The following PSD3 variants were observed in gnomAD, a reference collection of about 807,000 sequenced individuals.
The protein encoded by PSD3 is PH and SEC7 domain-containing protein 3.
A neutral mutation model predicts 105.5 loss-of-function variants in PSD3; 49 were observed. The ratio of observed to expected loss-of-function variants is 0.46; its 90% CI spans 0.37 to 0.59. The LOEUF (loss-of-function observed/expected upper bound fraction) is 0.59, where lower values mean the gene tolerates loss of function less well. Ranked by LOEUF, PSD3 falls within the 20% of genes least tolerant of loss-of-function variation. PSD3 has a pLI of 0.00. For synonymous variants in PSD3, 557 were observed against 457.8 expected (o/e 1.22, Z -2.77); for missense variants, 1,561 against 1,263.8 (o/e 1.24, Z -3.57).
At chr8:18,718,934 C>G (rs1445938711) in intron 9 of PSD3, among the ~76,000 whole-genome samples, 1 of 152,122 alleles carries the variant, frequency 6.6e-6, no homozygotes, top group Admixed American at 6.6e-5. Flanking sequence ...ACATCACAGA[C>G]CTTCAGTCTC....
At chr8:19,000,831 T>C (rs923139626) in intron 1 of PSD3, 1 of 151,948 alleles carries the variant, frequency 6.6e-6, no homozygotes, top group African/African-American at 2.4e-5. Flanking sequence ...GTTCCTGTAC[T>C]TAGCTATGTA....
chr8:18,761,797 C>G (rs73199971), intron 9 of PSD3, among the ~76,000 whole-genome samples: 1 of 152,196 alleles, frequency 6.6e-6, no homozygotes, highest in Non-Finnish European at 1.5e-5. Context: ...CAAACCACAT[C>G]CAACCGCTGG....
intron 4 of PSD3, among the ~76,000 whole-genome samples, chr8:18,847,822 C>T (rs1014526656): frequency 6.6e-6 from 1 of 152,174 alleles, no homozygotes; most frequent in Non-Finnish European, 1.5e-5. Context: ...TCACGCTGGC[C>T]TTGGATGTGC....
chr8:18,618,626 C>A (rs1018577105), intron 11 of PSD3, among the ~76,000 whole-genome samples: 18 of 140,842 alleles, frequency 1.3e-4, no homozygotes, highest in African/African-American at 4.2e-4. Flanking sequence ...CAGTGTACTA[C>A]ACACCATAAC....
chr8:18,562,652 G>A (rs570351428), intron 14 of PSD3, among the ~76,000 whole-genome samples: 1 of 152,274 alleles, frequency 6.6e-6, no homozygotes, highest in South Asian at 2.1e-4. Flanking sequence ...ACTTTAAGAG[G>A]CTGAGATGGG....
intron 9 of PSD3, among the ~76,000 whole-genome samples, chr8:18,761,451 A>G (rs896432186): frequency 3.9e-5 from 6 of 152,212 alleles, no homozygotes; most frequent in African/African-American, 1.4e-4. Context: ...AATACTTACT[A>G]TATGTGAGGA....
chr8:18,622,018 G>T (rs1043184339), intron 11 of PSD3, among the ~76,000 whole-genome samples: 2 of 152,082 alleles, frequency 1.3e-5, no homozygotes, highest in African/African-American at 4.8e-5. Flanking sequence ...ATGACAGGCA[G>T]GTGTGTAAAT....
intron 9 of PSD3, among the ~76,000 whole-genome samples, chr8:18,747,331 A>G (rs1429110487): frequency 3.9e-5 from 6 of 152,244 alleles, no homozygotes; most frequent in African/African-American, 1.2e-4. Context: ...GCTGGAAGAA[A>G]TTACCTAAGA....
At chr8:18,803,747 A>C in intron 6 of PSD3, among the ~76,000 whole-genome samples, 1 of 152,028 alleles carries the variant, frequency 6.6e-6, no homozygotes, top group East Asian at 1.9e-4. Context: ...AGAGAAGTAG[A>C]ATAGTGTTTG....
chr8:18,717,377 C>T (rs1473320146), intron 9 of PSD3, among the ~76,000 whole-genome samples: 1 of 152,070 alleles, frequency 6.6e-6, no homozygotes, highest in East Asian at 1.9e-4. Flanking sequence ...AAGTACATGC[C>T]TAGTTTAGCA....
At chr8:19,020,163 C>T (rs1827318898) in intron 1 of PSD3, among the ~76,000 whole-genome samples, 1 of 152,100 alleles carries the variant, frequency 6.6e-6, no homozygotes, top group African/African-American at 2.4e-5. Context: ...ACAAAGCATC[C>T]CTTCCCTCAT....
intron 10 of PSD3, among the ~76,000 whole-genome samples, chr8:18,648,241 T>C (rs918814126): frequency 2.6e-4 from 40 of 152,222 alleles, no homozygotes; most frequent in African/African-American, 9.2e-4. Flanking sequence ...AGTTTGAGAC[T>C]TCCTAGAGGC....
intron 12 of PSD3, among the ~76,000 whole-genome samples, chr8:18,584,730 C>G (rs138294649): frequency 2.2e-3 from 337 of 152,296 alleles, no homozygotes; most frequent in African/African-American, 7.7e-3. Context: ...CAGAAATGCT[C>G]TGCAGGGCTA....
intron 1 of PSD3, among the ~76,000 whole-genome samples, chr8:19,032,234 A>T (rs922300639): frequency 6.7e-6 from 1 of 148,306 alleles, no homozygotes; most frequent in Non-Finnish European, 1.5e-5. Flanking sequence ...TAAAAGTTCA[A>T]CAGTTCATCC....
At chr8:18,869,428 C>T (rs1563365826) in intron 3 of PSD3, among the ~76,000 whole-genome samples, 1 of 152,128 alleles carries the variant, frequency 6.6e-6, no homozygotes, top group African/African-American at 2.4e-5. Flanking sequence ...ATCTGCCTGC[C>T]TCGGCCTCCC....
intron 1 of PSD3, among the ~76,000 whole-genome samples, chr8:19,012,944 A>G (rs776586023): frequency 3.9e-5 from 6 of 152,144 alleles, no homozygotes; most frequent in Non-Finnish European, 7.3e-5. Context: ...TGGCAAAACG[A>G]AACATTTATT....
chr8:18,688,279 T>C (rs1202402647), intron 9 of PSD3, among the ~76,000 whole-genome samples: 1 of 152,074 alleles, frequency 6.6e-6, no homozygotes, highest in Non-Finnish European at 1.5e-5. Context: ...TTTGTTTTGG[T>C]AGAAATAGGG....
chr8:18,600,904 T>G (rs1321857587), intron 11 of PSD3, among the ~76,000 whole-genome samples: 1 of 152,200 alleles, frequency 6.6e-6, no homozygotes, highest in African/African-American at 2.4e-5. Context: ...AGGACCACTT[T>G]TGGCATTTCT....
At chr8:18,913,306 C>G (rs530289795) in intron 2 of PSD3, among the ~76,000 whole-genome samples, 2 of 152,184 alleles carry the variant, frequency 1.3e-5, no homozygotes, top group East Asian at 3.9e-4. Flanking sequence ...GTTGATTCTT[C>G]TAAATTTATT....
Sources: gnomAD v4.1 joint callset for allele counts (sites outside exome capture counted in the v4.1 genomes callset) on GRCh38, gnomAD v4.1.1 for gene constraint, MANE v1.5 for transcripts, NCBI Gene and HGNC (gene_info 2026-07-23, HGNC 2026-07-21) for gene names.